The following TENM3 variants were observed in gnomAD, a reference collection of about 807,000 sequenced individuals.
TENM3 encodes the protein teneurin-3.
Under a neutral mutation model 255.1 loss-of-function variants are expected in TENM3, and 63 were observed. That is an observed-to-expected ratio of 0.25 (90% CI 0.20 to 0.30). The LOEUF is 0.30. Ranked by LOEUF, TENM3 falls within the 10% of genes least tolerant of loss-of-function variation. The pLI, the probability that TENM3 is intolerant of heterozygous loss-of-function variation, is 1.00. For synonymous variants in TENM3, 1,306 were observed against 1,322.3 expected, an observed-to-expected ratio of 0.99 and a Z score of 0.27; for missense variants, 2,929 against 3,461.1, an observed-to-expected ratio of 0.85 and a Z score of 3.86.
chr4:181,450,402 A>T, the TENM3 span, among the ~76,000 whole-genome samples: 2 of 152,220 alleles, frequency 1.3e-5, no homozygotes, highest in Admixed American at 1.3e-4. Context: ...GTTTTGCAGA[A>T]ATAAAACAAC....
the TENM3 span, among the ~76,000 whole-genome samples, chr4:181,663,274 G>T: frequency 6.6e-6 from 1 of 152,042 alleles, no homozygotes; most frequent in East Asian, 1.9e-4. Context: ...GTTTGCCTGT[G>T]CTCCAGAGGC....
intron 3 of TENM3, among the ~76,000 whole-genome samples, chr4:182,354,460 TA>T (rs1259125936): frequency 6.6e-6 from 1 of 152,304 alleles, no homozygotes; most frequent in Admixed American, 6.5e-5. Flanking sequence ...AAATAAGTGT[TA>T]GAGCCATAGA....
chr4:182,269,153 C>T (rs1759446880), intron 1 of TENM3, among the ~76,000 whole-genome samples: 1 of 152,086 alleles, frequency 6.6e-6, no homozygotes, highest in African/African-American at 2.4e-5. Context: ...TAGTTTTTGA[C>T]AGGTGTGGGA....
At chr4:182,145,069 G>C (rs1749851849) in intron 1 of TENM3, 1 of 152,136 alleles carries the variant, frequency 6.6e-6, no homozygotes, top group African/African-American at 2.4e-5. Context: ...CCGGAGGCTG[G>C]GCGCCCAGTG....
At chr4:182,653,406 G>A (rs537025699) in intron 5 of TENM3, among the ~76,000 whole-genome samples, 66 of 152,288 alleles carry the variant, frequency 4.3e-4, no homozygotes, top group African/African-American at 1.6e-3. Context: ...AAATTTGCAA[G>A]TGACCTGTGG....
At chr4:182,532,593 G>T (rs995102519) in intron 3 of TENM3, among the ~76,000 whole-genome samples, 2 of 152,080 alleles carry the variant, frequency 1.3e-5, no homozygotes, top group Non-Finnish European at 2.9e-5. Context: ...TAAATTGCTC[G>T]TTTTTGATTA....
intron 18 of TENM3, among the ~76,000 whole-genome samples, chr4:182,741,738 T>G (rs1437447379): frequency 3.9e-5 from 6 of 152,250 alleles, no homozygotes; most frequent in Admixed American, 3.9e-4. Flanking sequence ...CTTATTTTTC[T>G]TAAATTTGAA....
intron 1 of TENM3, among the ~76,000 whole-genome samples, chr4:182,279,985 A>G (rs1324870242): frequency 6.6e-6 from 1 of 152,160 alleles, no homozygotes; most frequent in Non-Finnish European, 1.5e-5. Flanking sequence ...GACTTTCTCC[A>G]CCAGTGACCT....
intron 3 of TENM3, among the ~76,000 whole-genome samples, chr4:182,487,345 T>C (rs1459506047): frequency 6.6e-6 from 1 of 152,210 alleles, no homozygotes; most frequent in African/African-American, 2.4e-5. Context: ...TGAATTACTA[T>C]AGATAACAGA....
At chr4:182,359,584 A>T (rs2150765593) in intron 3 of TENM3, among the ~76,000 whole-genome samples, 1 of 147,532 alleles carries the variant, frequency 6.8e-6, no homozygotes, top group Non-Finnish European at 1.5e-5. Context: ...ATCATTTTTT[A>T]TTGCATCTAT....
chr4:182,178,444 A>G (rs1752651521), intron 1 of TENM3, among the ~76,000 whole-genome samples: 1 of 152,208 alleles, frequency 6.6e-6, no homozygotes, highest in Non-Finnish European at 1.5e-5. Context: ...ATGTGACAGT[A>G]GCTAACCCCC....
At chr4:182,402,282 A>G (rs766890750) in intron 3 of TENM3, among the ~76,000 whole-genome samples, 7 of 152,194 alleles carry the variant, frequency 4.6e-5, no homozygotes, top group Non-Finnish European at 1.0e-4. Context: ...AAAGACCTTT[A>G]TGTTAATTAT....
the TENM3 span, among the ~76,000 whole-genome samples, chr4:181,730,278 A>T: frequency 6.6e-6 from 1 of 152,242 alleles, no homozygotes; most frequent in South Asian, 2.1e-4. Flanking sequence ...TGTAAGCCAC[A>T]AAGCCCTTTG....
chr4:181,862,083 G>T, the TENM3 span, among the ~76,000 whole-genome samples: 1 of 152,092 alleles, frequency 6.6e-6, no homozygotes, highest in African/African-American at 2.4e-5. Context: ...CGTTTAAGAC[G>T]TGTTTTGTAG....
At chr4:182,627,898 G>GT (rs1750981578) in intron 4 of TENM3, among the ~76,000 whole-genome samples, 1 of 151,994 alleles carries the variant, frequency 6.6e-6, no homozygotes, top group South Asian at 2.1e-4. Context: ...GTATGGCTCG[G>GT]TGGTTAGGGA....
the TENM3 span, chr4:181,905,927 C>T: frequency 3.5e-6 from 2 of 572,552 alleles, no homozygotes; most frequent in Non-Finnish European, 6.6e-6. Flanking sequence ...AATGACATTG[C>T]TCCAACTTCG....
chr4:182,745,502 G>T (rs1761940329), intron 19 of TENM3, among the ~76,000 whole-genome samples: 1 of 152,138 alleles, frequency 6.6e-6, no homozygotes, highest in Admixed American at 6.5e-5. Flanking sequence ...TAACAAGCGG[G>T]CCTATTCCAT....
At chr4:182,361,379 T>G (rs1765966581) in intron 3 of TENM3, among the ~76,000 whole-genome samples, 1 of 152,224 alleles carries the variant, frequency 6.6e-6, no homozygotes, top group Non-Finnish European at 1.5e-5. Flanking sequence ...GATTTGGTCT[T>G]TTCACATAGT....
At chr4:182,708,372 C>G (rs969489695) in intron 12 of TENM3, among the ~76,000 whole-genome samples, 1 of 151,708 alleles carries the variant, frequency 6.6e-6, no homozygotes. Flanking sequence ...AATACATCAG[C>G]CAGGTGTTCA....
Sources: allele counts gnomAD v4.1 joint callset (sites outside exome capture counted in the v4.1 genomes callset), GRCh38; gene constraint gnomAD v4.1.1; transcripts MANE v1.5; gene names NCBI Gene and HGNC (gene_info 2026-07-23, HGNC 2026-07-21).